RFX7: variants seen among roughly 807,000 people sequenced by gnomAD.
RFX7 encodes regulatory factor X7.
In RFX7, 26 loss-of-function variants were observed where a neutral mutation model predicts 111.8. The ratio of observed to expected loss-of-function variants is 0.23; its 90% CI spans 0.17 to 0.32. The LOEUF is 0.32. Ranked by LOEUF, RFX7 falls within the 10% of genes least tolerant of loss-of-function variation. RFX7 has a pLI of 1.00. For synonymous variants in RFX7, 624 were observed against 624.4 expected (o/e 1.00, Z 0.01); for missense variants, 1,573 against 1,772.9 (o/e 0.89, Z 2.02).
chr15:56,244,424 A>C (rs1158434063), upstream of RFX7: 1 of 152,270 alleles, frequency 6.6e-6, no homozygotes, highest in Non-Finnish European at 1.5e-5. Flanking sequence ...AAAGCCCTCC[A>C]AATCTGGCCC....
chr15:56,175,626 G>A (rs952184475), intron 3 of RFX7, among the ~76,000 whole-genome samples: 2 of 152,080 alleles, frequency 1.3e-5, no homozygotes, highest in African/African-American at 4.8e-5. Flanking sequence ...GGGAGAGGCA[G>A]ACTTTTCAAT....
At chr15:56,106,068 G>T (rs2041825756) in intron 5 of RFX7, among the ~76,000 whole-genome samples, 1 of 152,192 alleles carries the variant, frequency 6.6e-6, no homozygotes, top group Non-Finnish European at 1.5e-5. Flanking sequence ...TTAGCTCAAA[G>T]AGGGGAGTGA....
chr15:56,191,918 T>C (rs1280466339), intron 2 of RFX7, among the ~76,000 whole-genome samples: 1 of 152,160 alleles, frequency 6.6e-6, no homozygotes, highest in Non-Finnish European at 1.5e-5. Context: ...ATTCAGGTGC[T>C]GCTTGCTGAA....
intron 3 of RFX7, among the ~76,000 whole-genome samples, chr15:56,165,642 T>C (rs1487053120): frequency 1.3e-5 from 2 of 152,232 alleles, no homozygotes. Flanking sequence ...GTGAGTTTAC[T>C]TGGCCTTCCA....
At chr15:56,117,539 C>T (rs774355781) in intron 5 of RFX7, among the ~76,000 whole-genome samples, 2 of 152,132 alleles carry the variant, frequency 1.3e-5, no homozygotes, top group African/African-American at 2.4e-5. Flanking sequence ...GTATACACTA[C>T]TGTTAAGCAT....
intron 2 of RFX7, among the ~76,000 whole-genome samples, chr15:56,234,871 A>C (rs1361061608): frequency 6.6e-6 from 1 of 152,206 alleles, no homozygotes; most frequent in African/African-American, 2.4e-5. Context: ...AAATTCAGTA[A>C]AAACTCACTA....
intron 2 of RFX7, among the ~76,000 whole-genome samples, chr15:56,203,975 C>T (rs2043223109): frequency 3.3e-5 from 5 of 151,820 alleles, no homozygotes. Context: ...AATCCAATAA[C>T]CCTCTCTTGG....
At chr15:56,133,068 C>G (rs1206428987) in intron 5 of RFX7, among the ~76,000 whole-genome samples, 1 of 152,176 alleles carries the variant, frequency 6.6e-6, no homozygotes, top group Admixed American at 6.5e-5. Context: ...TGCTAAATTT[C>G]TTCTTTATAC....
chr15:56,198,837 T>G (rs112605872), intron 2 of RFX7, among the ~76,000 whole-genome samples: 5 of 152,116 alleles, frequency 3.3e-5, no homozygotes, highest in Admixed American at 1.3e-4. Flanking sequence ...TCTCTCCTTT[T>G]GTATACATTC....
chr15:56,129,259 C>T (rs2140987629), intron 5 of RFX7, among the ~76,000 whole-genome samples: 1 of 151,888 alleles, frequency 6.6e-6, no homozygotes, highest in Admixed American at 6.6e-5. Context: ...CCTGTAGTCC[C>T]AGCAACTGGG....
chr15:56,217,835 C>G (rs1413815293), intron 2 of RFX7, among the ~76,000 whole-genome samples: 3 of 152,214 alleles, frequency 2.0e-5, no homozygotes. Flanking sequence ...AATCCATATT[C>G]TTTCACTCAA....
rs532311170 is a variant in RFX7 at position 56,144,160 on chromosome 15, A to G, written c.278+241T>C. Reference sequence around the variant, plus strand: ...AAACATAGTCATCTGTCTATGAAACAAAACCCAAATTGCATGTCATAGCAT... The same window carrying G: ...AAACATAGTCATCTGTCTATGAAACGAAACCCAAATTGCATGTCATAGCAT... On this transcript the variant is annotated intron_variant, in intron 4 of 9. Transcript: ENST00000559447. Among the ~76,000 whole-genome samples the G allele has an allele frequency of 9.8e-4, 150 of 152,312 alleles. 1 individual carries two copies. The highest frequency in any genetic ancestry group is 3.5e-3 in the African/African-American group (144 of 41,592).
chr15:56,230,594 T>C (rs2043542148), intron 2 of RFX7, among the ~76,000 whole-genome samples: 2 of 152,166 alleles, frequency 1.3e-5, no homozygotes, highest in African/African-American at 4.8e-5. Context: ...TACCTACCAC[T>C]AGGTGAAAAA....
intron 2 of RFX7, among the ~76,000 whole-genome samples, chr15:56,242,343 AATT>A (rs2043703805): frequency 6.6e-6 from 1 of 152,232 alleles, no homozygotes; most frequent in African/African-American, 2.4e-5. Context: ...TAGTGTATTT[AATT>A]ATTAAAAGAT....
chr15:56,195,155 C>T (rs1457661349), intron 2 of RFX7, among the ~76,000 whole-genome samples: 2 of 152,056 alleles, frequency 1.3e-5, no homozygotes, highest in Non-Finnish European at 2.9e-5. Context: ...AGAAGGCAGA[C>T]ATAAAAGGTC....
chr15:56,151,855 T>C (rs917074931), intron 3 of RFX7, among the ~76,000 whole-genome samples: 6 of 152,140 alleles, frequency 3.9e-5, no homozygotes, highest in Admixed American at 1.3e-4. Context: ...AATAAAGGGA[T>C]GGAGGAAGAT....
At chr15:56,208,503 G>T (rs1184786984) in intron 2 of RFX7, among the ~76,000 whole-genome samples, 1 of 152,112 alleles carries the variant, frequency 6.6e-6, no homozygotes, top group Non-Finnish European at 1.5e-5. Context: ...CTCGCACCTG[G>T]TTATTAAGAA....
intron 3 of RFX7, among the ~76,000 whole-genome samples, chr15:56,148,634 G>A (rs950358082): frequency 6.6e-6 from 1 of 152,164 alleles, no homozygotes; most frequent in Non-Finnish European, 1.5e-5. Context: ...CTTTCTATGA[G>A]GTGCAAGTGT....
chr15:56,228,513 A>G (rs2043510850), intron 2 of RFX7, among the ~76,000 whole-genome samples: 1 of 152,172 alleles, frequency 6.6e-6, no homozygotes, highest in African/African-American at 2.4e-5. Context: ...TAAAAAAACT[A>G]TGATTAAGAC....
Sources: gnomAD v4.1 joint callset for allele counts (sites outside exome capture counted in the v4.1 genomes callset) on GRCh38, gnomAD v4.1.1 for gene constraint, MANE v1.5 for transcripts, NCBI Gene and HGNC (gene_info 2026-07-23, HGNC 2026-07-21) for gene names.